Variants in CCSER1 observed in about 807,000 individuals in gnomAD.
CCSER1 encodes the protein serine-rich coiled-coil domain-containing protein 1.
CCSER1 carries 41 observed loss-of-function variants against 82.0 expected under a neutral mutation model. That is an observed-to-expected ratio of 0.50 (90% confidence interval 0.39 to 0.65). The LOEUF (loss-of-function observed/expected upper bound fraction) is 0.65, where lower values mean the gene tolerates loss of function less well. Ranked by LOEUF, CCSER1 falls within the 30% of genes least tolerant of loss-of-function variation. The pLI is 0.00. For synonymous variants in CCSER1, 414 were observed against 383.9 expected, an observed-to-expected ratio of 1.08 and a Z score of -0.92; for missense variants, 1,119 against 1,064.2, an observed-to-expected ratio of 1.05 and a Z score of -0.72.
At chr4:90,264,713 A>G (rs1170120390) in intron 1 of CCSER1, among the ~76,000 whole-genome samples, 2 of 151,846 alleles carry the variant, frequency 1.3e-5, no homozygotes, top group African/African-American at 2.4e-5. Context: ...TGGATGGTTG[A>G]GTTTGCTGGA....
intron 8 of CCSER1, among the ~76,000 whole-genome samples, chr4:90,859,626 T>A (rs955988996): frequency 2.3e-4 from 35 of 151,808 alleles, no homozygotes; most frequent in African/African-American, 7.7e-4. Flanking sequence ...TATAGCTATT[T>A]ATTTGCAACA....
intron 5 of CCSER1, among the ~76,000 whole-genome samples, chr4:90,583,487 G>A (rs1040689524): frequency 9.2e-5 from 14 of 151,912 alleles, no homozygotes; most frequent in African/African-American, 3.4e-4. Flanking sequence ...TTAAATTGAG[G>A]TATACTTCTG....
intron 10 of CCSER1, among the ~76,000 whole-genome samples, chr4:91,485,298 A>C (rs1481764070): frequency 6.6e-6 from 1 of 152,196 alleles, no homozygotes; most frequent in African/African-American, 2.4e-5. Flanking sequence ...AAGCTCCAAA[A>C]AGACTCAAAT....
chr4:90,626,823 G>C (rs1305704853), intron 5 of CCSER1, among the ~76,000 whole-genome samples: 1 of 152,132 alleles, frequency 6.6e-6, no homozygotes, highest in East Asian at 1.9e-4. Context: ...TTACATGACT[G>C]CCTGAGGTTC....
At chr4:91,145,648 G>A (rs1222785048) in intron 10 of CCSER1, among the ~76,000 whole-genome samples, 1 of 152,126 alleles carries the variant, frequency 6.6e-6, no homozygotes, top group Admixed American at 6.6e-5. Flanking sequence ...CTTGTATAGT[G>A]GTAATAGACT....
chr4:91,457,402 C>T (rs979644305), intron 10 of CCSER1, among the ~76,000 whole-genome samples: 1 of 152,056 alleles, frequency 6.6e-6, no homozygotes, highest in African/African-American at 2.4e-5. Flanking sequence ...TTTGGTGGCT[C>T]ATGCCTGTAC....
At chr4:90,569,242 A>C (rs1464513177) in intron 5 of CCSER1, among the ~76,000 whole-genome samples, 1 of 152,178 alleles carries the variant, frequency 6.6e-6, no homozygotes, top group Non-Finnish European at 1.5e-5. Context: ...AGAAAAAAAA[A>C]ACATAACTCT....
intron 10 of CCSER1, among the ~76,000 whole-genome samples, chr4:91,474,812 T>G (rs7695815): frequency 1.5e-5 from 1 of 66,122 alleles, no homozygotes; most frequent in Non-Finnish European, 3.0e-5. Context: ...TATATATATA[T>G]ACACACACAC....
At chr4:90,903,625 A>G (rs1329351282) in intron 8 of CCSER1, among the ~76,000 whole-genome samples, 1 of 152,264 alleles carries the variant, frequency 6.6e-6, no homozygotes, top group East Asian at 1.9e-4. Flanking sequence ...TTCAGGCACC[A>G]CAATATGATT....
chr4:90,800,912 A>T (rs1468187711), intron 7 of CCSER1, among the ~76,000 whole-genome samples: 1 of 152,202 alleles, frequency 6.6e-6, no homozygotes, highest in East Asian at 1.9e-4. Flanking sequence ...CAAACAAAAA[A>T]ATAAGGAAAG....
chr4:90,553,592 G>A (rs1777776828), intron 5 of CCSER1, among the ~76,000 whole-genome samples: 1 of 152,124 alleles, frequency 6.6e-6, no homozygotes, highest in South Asian at 2.1e-4. Context: ...GCCCACAAGT[G>A]CTCAATAATA....
intron 7 of CCSER1, among the ~76,000 whole-genome samples, chr4:90,747,907 G>GT (rs1747788848): frequency 6.7e-6 from 1 of 150,250 alleles, no homozygotes; most frequent in South Asian, 2.1e-4. Flanking sequence ...GCCATGTTTG[G>GT]TTTTTTGTTC....
intron 6 of CCSER1, among the ~76,000 whole-genome samples, chr4:90,693,912 A>C (rs986035141): frequency 1.6e-4 from 18 of 114,236 alleles, no homozygotes; most frequent in African/African-American, 4.6e-4. Flanking sequence ...AAGAAGAAAG[A>C]GGAGGAGAGA....
intron 10 of CCSER1, among the ~76,000 whole-genome samples, chr4:91,148,186 A>G (rs983436706): frequency 1.3e-5 from 2 of 152,208 alleles, no homozygotes; most frequent in African/African-American, 4.8e-5. Flanking sequence ...ACCCTTAAAG[A>G]TAATTTTTAC....
At chr4:90,476,587 T>C (rs981626018) in intron 5 of CCSER1, among the ~76,000 whole-genome samples, 3 of 152,200 alleles carry the variant, frequency 2.0e-5, no homozygotes, top group African/African-American at 7.2e-5. Flanking sequence ...TGGAAAGATA[T>C]GAGCTCATTA....
At chr4:91,332,900 T>G (rs1391205527) in intron 10 of CCSER1, among the ~76,000 whole-genome samples, 1 of 152,008 alleles carries the variant, frequency 6.6e-6, no homozygotes. Flanking sequence ...CCATTAAAAA[T>G]GGCCACATAA....
chr4:90,869,882 A>C (rs963292696), intron 8 of CCSER1, among the ~76,000 whole-genome samples: 1 of 151,778 alleles, frequency 6.6e-6, no homozygotes, highest in East Asian at 1.9e-4. Flanking sequence ...GATTTCTTTC[A>C]AGAATGTTTC....
intron 3 of CCSER1, among the ~76,000 whole-genome samples, chr4:90,360,579 C>CAA (rs61140876): frequency 0.25 from 19,127 of 75,264 alleles, 2,890 homozygotes; most frequent in Middle Eastern, 0.43. Flanking sequence ...GACTCCGTCT[C>CAA]AAAAAAAAAA....
At position 91,602,081 on chromosome 4, in the gene CCSER1, T is replaced by TATC. The variant is rs1764836978; in HGVS notation, c.*3026_*3028dup. ...AATGCTAAAGATGTGAATCCACCACTATCAATACGGTCAGGGTAAAACCTG... is the reference window on the plus strand; with the variant it reads ...AATGCTAAAGATGTGAATCCACCACTATCATCAATACGGTCAGGGTAAAACCTG... On this transcript the variant is annotated 3_prime_UTR_variant, in exon 11 of 11. Coordinates refer to ENST00000509176, the MANE Select transcript of CCSER1 (RefSeq NM_001145065.2). 6.6e-6 allele frequency among the ~76,000 whole-genome samples: 1 copy of TATC among 152,032 alleles called. No individual in the cohort carries two copies. The highest frequency in any genetic ancestry group is 1.5e-5 in the Non-Finnish European group (1 of 67,966).
Sources: gnomAD v4.1 joint callset for allele counts (sites outside exome capture counted in the v4.1 genomes callset) on GRCh38, gnomAD v4.1.1 for gene constraint, MANE v1.5 for transcripts, NCBI Gene and HGNC (gene_info 2026-07-23, HGNC 2026-07-21) for gene names.